LMX1A: variants seen among roughly 807,000 people sequenced by gnomAD.
The protein encoded by LMX1A is LIM homeobox transcription factor 1 alpha.
LMX1A carries 15 observed loss-of-function variants against 49.1 expected under a neutral mutation model. The ratio of observed to expected loss-of-function variants is 0.31; its 90% CI spans 0.20 to 0.47. The LOEUF is 0.47. LMX1A is among the 20% of genes least tolerant of loss of function. The pLI is 1.00. For missense variants in LMX1A, 372 were observed against 475.8 expected (o/e 0.78, Z 2.03); for synonymous variants, 167 against 185.7 (o/e 0.90, Z 0.82).
chr1:165,338,946 C>T (rs1009356015), intron 3 of LMX1A, among the ~76,000 whole-genome samples: 1 of 152,174 alleles, frequency 6.6e-6, no homozygotes, highest in Non-Finnish European at 1.5e-5. Context: ...CACTGTTCTC[C>T]CTCTCCCTGT....
chr1:165,246,872 T>TTTTGACTC (rs1652867619), intron 4 of LMX1A, among the ~76,000 whole-genome samples: 1 of 152,140 alleles, frequency 6.6e-6, no homozygotes. Flanking sequence ...GTCAACTGAA[T>TTTTGACTC]TAATACATGA....
chr1:165,210,608 C>A (rs138494748), intron 6 of LMX1A, 91 bp downstream of exon 6: 1 of 891,894 alleles, frequency 1.1e-6, no homozygotes, highest in Non-Finnish European at 1.8e-6. Context: ...TGAGCTAAGG[C>A]GAGAAAACCT....
chr1:165,314,531 G>A (rs1311708850), intron 3 of LMX1A, among the ~76,000 whole-genome samples: 1 of 151,714 alleles, frequency 6.6e-6, no homozygotes, highest in African/African-American at 2.4e-5. Context: ...CCTTCTTTAG[G>A]TCTTAGCTTT....
intron 3 of LMX1A, among the ~76,000 whole-genome samples, chr1:165,255,162 T>G (rs1232921530): frequency 2.6e-5 from 4 of 152,194 alleles, no homozygotes; most frequent in African/African-American, 9.7e-5. Context: ...CAGTAGGATG[T>G]GTTTGGGATA....
chr1:165,333,377 T>A (rs573599687), intron 3 of LMX1A, among the ~76,000 whole-genome samples: 2 of 152,290 alleles, frequency 1.3e-5, no homozygotes, highest in Admixed American at 1.3e-4. Flanking sequence ...CAGGATGGTC[T>A]CCATCTCCCA....
At chr1:165,309,192 G>A (rs1302311640) in intron 3 of LMX1A, among the ~76,000 whole-genome samples, 2 of 151,474 alleles carry the variant, frequency 1.3e-5, no homozygotes, top group African/African-American at 4.9e-5. Context: ...TGGATGCTGA[G>A]CGAAGAGCTT....
Position 165,203,751 on chromosome 1 carries a change from A to G in LMX1A, c.*129T>C. On this transcript the variant is annotated 3_prime_UTR_variant, in exon 9 of 9. Coordinates refer to ENST00000342310, the MANE Select transcript of LMX1A (RefSeq NM_177398.4). ...CTGAGCTACACCATATCATTATACA[A>G]CAGCATCCCCAACAAAACTCCCTCC... The G allele has an allele frequency of 1.4e-6, 1 of 712,224 alleles. No homozygotes were observed. Among genetic ancestry groups the G allele is most frequent in the Middle Eastern group, 2.7e-4 (1 of 3,716 alleles). 44.1% of individuals were successfully genotyped at this position (712,224 alleles called of 1,614,324 possible).
chr1:165,344,029 A>C (rs1656161935), intron 3 of LMX1A, among the ~76,000 whole-genome samples: 2 of 152,226 alleles, frequency 1.3e-5, no homozygotes, highest in African/African-American at 4.8e-5. Context: ...TGAACCATAA[A>C]AGGTCACAAG....
At chr1:165,288,965 C>T (rs183702671) in intron 3 of LMX1A, among the ~76,000 whole-genome samples, 2 of 152,316 alleles carry the variant, frequency 1.3e-5, no homozygotes, top group East Asian at 3.9e-4. Flanking sequence ...TAATATCCAA[C>T]TGGCAGAGTG....
At position 165,233,051 on chromosome 1, in the gene LMX1A, C is replaced by A. The variant is rs1018086349; in HGVS notation, c.496+16357G>T. On this transcript the variant is annotated intron_variant, in intron 4 of 8. Transcript: ENST00000342310. ...TGCACCCTTACTTTGTGCCCTACAACCCCCACCATAAACACTTTATATATA... is the reference window on the plus strand; with the variant it reads ...TGCACCCTTACTTTGTGCCCTACAAACCCCACCATAAACACTTTATATATA... Among the ~76,000 whole-genome samples, 3 of 152,304 alleles carry A rather than the reference C, an allele frequency of 2.0e-5. No individual in the cohort carries two copies. The East Asian group carries it at 5.8e-4, about 29-fold the overall frequency.
intron 4 of LMX1A, among the ~76,000 whole-genome samples, chr1:165,241,737 C>G (rs6657753): frequency 0.12 from 18,459 of 152,198 alleles, 1,202 homozygotes; most frequent in Non-Finnish European, 0.15. Flanking sequence ...TGCTGCTTCT[C>G]TAGTCTAATT....
At chr1:165,254,180 T>G (rs1235668146) in intron 3 of LMX1A, among the ~76,000 whole-genome samples, 1 of 152,172 alleles carries the variant, frequency 6.6e-6, no homozygotes, top group African/African-American at 2.4e-5. Flanking sequence ...TCTGTGCTTG[T>G]CTAACTTCCA....
At chr1:165,339,951 A>G (rs1488330370) in intron 3 of LMX1A, among the ~76,000 whole-genome samples, 1 of 151,568 alleles carries the variant, frequency 6.6e-6, no homozygotes, top group Non-Finnish European at 1.5e-5. Flanking sequence ...TTCTATCTCT[A>G]CCCCAAGTGG....
intron 3 of LMX1A, among the ~76,000 whole-genome samples, chr1:165,348,030 T>G (rs578150054): frequency 6.8e-6 from 1 of 147,480 alleles, no homozygotes; most frequent in Non-Finnish European, 1.5e-5. Context: ...GTCTTTTGAT[T>G]AATACAAATG....
At chr1:165,257,924 A>G (rs986296611) in intron 3 of LMX1A, among the ~76,000 whole-genome samples, 2 of 152,232 alleles carry the variant, frequency 1.3e-5, no homozygotes, top group Non-Finnish European at 2.9e-5. Flanking sequence ...TGCCCCCACC[A>G]AAATAAGAAA....
intron 7 of LMX1A, 36 bp from the exon 8 acceptor site, chr1:165,206,070 G>T: frequency 6.7e-7 from 1 of 1,498,530 alleles, no homozygotes; most frequent in Non-Finnish European, 8.9e-7. Flanking sequence ...CATTCTCAAC[G>T]TGCAGCCTGG....
At chr1:165,255,712 G>A (rs4657425) in intron 3 of LMX1A, among the ~76,000 whole-genome samples, 60,220 of 151,990 alleles carry the variant, frequency 0.4, 12,163 homozygotes, top group Admixed American at 0.45. Flanking sequence ...AGTGGCTCAC[G>A]CCTGTAATCC....
chr1:165,297,161 C>T (rs868487788), intron 3 of LMX1A, among the ~76,000 whole-genome samples: 1 of 152,346 alleles, frequency 6.6e-6, no homozygotes, highest in South Asian at 2.1e-4. Flanking sequence ...CCTGTCTCTA[C>T]CTCTGTTCAC....
At chr1:165,263,460 C>T (rs1426746978) in intron 3 of LMX1A, among the ~76,000 whole-genome samples, 1 of 152,218 alleles carries the variant, frequency 6.6e-6, no homozygotes, top group Non-Finnish European at 1.5e-5. Context: ...TTATCCTCCG[C>T]ATCTCATATC....
Sources: allele counts gnomAD v4.1 joint callset (sites outside exome capture counted in the v4.1 genomes callset), GRCh38; gene constraint gnomAD v4.1.1; transcripts MANE v1.5; gene names NCBI Gene and HGNC (gene_info 2026-07-23, HGNC 2026-07-21).